THBS2: variants seen among roughly 807,000 people sequenced by gnomAD.
THBS2 encodes the protein thrombospondin-2.
In THBS2, 47 loss-of-function variants were observed where a neutral mutation model predicts 135.2. The ratio of observed to expected loss-of-function variants is 0.35; its 90% CI spans 0.28 to 0.44. The LOEUF (loss-of-function observed/expected upper bound fraction) is 0.44. THBS2 is among the 20% of genes least tolerant of loss of function. The probability of loss-of-function intolerance (pLI) is 1.00; values close to 1 mark genes in which losing one functional copy is unlikely to be tolerated. For missense variants in THBS2, 1,288 were observed against 1,603.1 expected, an observed-to-expected ratio of 0.80 and a Z score of 3.36; for synonymous variants, 639 against 633.8, an observed-to-expected ratio of 1.01 and a Z score of -0.12.
At position 169,222,241 on chromosome 6, in the gene THBS2, G is replaced by T; in HGVS notation, c.3229C>A (p.His1077Asn). 1 of 1,612,956 alleles carries T rather than the reference G, an allele frequency of 6.2e-7. No homozygotes were observed. The highest frequency in any genetic ancestry group is 2.2e-5 in the East Asian group (1 of 44,868). Residue 1077 changes from histidine (H) to asparagine (N), a missense_variant, in exon 19 of 22, where the codon CAC (histidine) becomes AAC (asparagine). Around this residue, in one of 2 missense-constraint regions of THBS2, gnomAD observed 874 missense variants for 1,156.1 expected, o/e 0.76. Transcript: ENST00000617924. ...VVNSTTGTGE[H>N]LRNALWHTGN... ...GTGTGCCACAGCGCGTTCCTCAGGT[G>T]CTCGCCCGTCCCCGTGGTGGAGTTC... is the stretch of plus-strand genomic sequence containing the variant.
intron 2 of THBS2, 66 bp from the exon 3 acceptor site, chr6:169,249,039 G>T: frequency 6.8e-7 from 1 of 1,479,854 alleles, no homozygotes; most frequent in Non-Finnish European, 9.1e-7. Context: ...CCTGACCCAG[G>T]GTGACAAACC....
chr6:169,242,599 CAT>C (rs1780354186), intron 4 of THBS2, among the ~76,000 whole-genome samples: 1 of 99,378 alleles, frequency 1.0e-5, no homozygotes, highest in South Asian at 3.9e-4. Flanking sequence ...CACCTTCCCA[CAT>C]TCCCACCTTC....
At chr6:169,227,833 G>A (rs187489761) in intron 15 of THBS2, among the ~76,000 whole-genome samples, 1 of 152,312 alleles carries the variant, frequency 6.6e-6, no homozygotes, top group Non-Finnish European at 1.5e-5. Flanking sequence ...TGTAATCCCA[G>A]CACTTTGGGA....
rs149476079 is a variant in THBS2, at chr6:169,216,139, C to G, written c.*1683G>C. Reference sequence around the variant, plus strand: ...TTGGTCTCGGGAATACAGCTCCACACGCAAAAAAGTAAAAAGTGCAGCAAA... The same window carrying G: ...TTGGTCTCGGGAATACAGCTCCACAGGCAAAAAAGTAAAAAGTGCAGCAAA... On this transcript the variant is annotated 3_prime_UTR_variant, in exon 22 of 22. Coordinates refer to ENST00000617924, the MANE Select transcript of THBS2 (RefSeq NM_003247.5). 6.6e-6 allele frequency: 1 copy of G among 150,558 alleles called. No homozygotes were observed. Among genetic ancestry groups the G allele is most frequent in the African/African-American group, 2.5e-5 (1 of 40,660 alleles). 9.3% of individuals were successfully genotyped at this position (150,558 alleles called of 1,614,324 possible). A position where few individuals can be genotyped will look rare whatever the true frequency, so the allele number is the denominator to read the frequency against.
rs1780776512 is a variant in THBS2 at position 169,252,123 on chromosome 6, C to T, written c.-22-1317G>A. The T allele has an allele frequency of 6.6e-6, 1 of 152,176 alleles. No homozygotes were observed. Among genetic ancestry groups the T allele is most frequent in the Non-Finnish European group, 1.5e-5 (1 of 68,044 alleles). The allele number at this position is 152,176 out of a possible 1,614,324, so 9.4% of individuals were successfully genotyped here. The stretch of plus-strand genomic sequence containing the variant: ...CAGGGGCTGACTTAGCCCAGCGAGC[C>T]ACAGGCATGGGTTACCGGAGCAGAA... On this transcript the variant is annotated intron_variant, in intron 1 of 21. Transcript: ENST00000617924. The surrounding 1 kb of genome is among the most constrained non-coding windows in gnomAD (Gnocchi z 4.3).
chr6:169,231,175 G>A (rs763511329), intron 13 of THBS2, among the ~76,000 whole-genome samples: 2 of 152,154 alleles, frequency 1.3e-5, no homozygotes, highest in Non-Finnish European at 2.9e-5. Context: ...CAAGGACATT[G>A]AACAGTGAGG....
chr6:169,242,584 A>C (rs1156621056), intron 4 of THBS2, among the ~76,000 whole-genome samples: 13 of 54,170 alleles, frequency 2.4e-4, no homozygotes, highest in African/African-American at 4.9e-4. Context: ...CTTCCCCCAA[A>C]TTCCCACCTT....
intron 14 of THBS2, 66 bp from the exon 15 acceptor site, chr6:169,228,347 CTTATAAG>C: frequency 6.4e-7 from 1 of 1,568,610 alleles, no homozygotes. Context: ...CCGTTTAGCA[CTTATAAG>C]TTATGTACTC....
intron 4 of THBS2, 98 bp from the exon 5 acceptor site, chr6:169,242,056 G>T (rs1398046851): frequency 1.5e-6 from 2 of 1,370,282 alleles, no homozygotes; most frequent in African/African-American, 1.4e-5. Context: ...GGCTCCCGGA[G>T]CGGCCTGGTG....
chr6:169,231,299 C>T (rs1011115177), intron 13 of THBS2, among the ~76,000 whole-genome samples: 1 of 152,192 alleles, frequency 6.6e-6, no homozygotes, highest in Non-Finnish European at 1.5e-5. Context: ...GTGAAGCCGA[C>T]CAGAGGTCAG....
chr6:169,245,751 C>G (rs1352806394), intron 4 of THBS2, among the ~76,000 whole-genome samples: 4 of 147,058 alleles, frequency 2.7e-5, no homozygotes, highest in Non-Finnish European at 1.5e-5. Flanking sequence ...CAGATCGCAC[C>G]ACTGCACTCC....
chr6:169,227,355 G>T (rs55697188), intron 15 of THBS2, among the ~76,000 whole-genome samples: 54 of 152,338 alleles, frequency 3.5e-4, no homozygotes, highest in African/African-American at 1.3e-3. Context: ...GCACTGGGTT[G>T]CAGAGCTCGC....
intron 14 of THBS2, 58 bp from the exon 15 acceptor site, chr6:169,228,339 G>T: frequency 1.3e-6 from 2 of 1,585,760 alleles, no homozygotes; most frequent in South Asian, 1.1e-5. Flanking sequence ...GTGTCGGGCC[G>T]TTTAGCACTT....
chr6:169,235,174 A>C (rs923936215), intron 9 of THBS2, among the ~76,000 whole-genome samples: 5 of 151,548 alleles, frequency 3.3e-5, no homozygotes, highest in African/African-American at 1.2e-4. Context: ...AAATCATACC[A>C]CCTCTTCTTT....
At chr6:169,236,178 C>G (rs1231173539) in intron 9 of THBS2, among the ~76,000 whole-genome samples, 1 of 124,770 alleles carries the variant, frequency 8.0e-6, no homozygotes, top group Non-Finnish European at 1.7e-5. Context: ...CATCCACACT[C>G]ATTCCCCATC....
chr6:169,225,415 T>G, intron 16 of THBS2, 36 bp from the exon 17 acceptor site: 2 of 1,542,972 alleles, frequency 1.3e-6, no homozygotes, highest in Non-Finnish European at 1.8e-6. Flanking sequence ...AGCAGAGGAC[T>G]GCCAGTTTGA....
At chr6:169,250,261 C>T (rs1364359945) in intron 2 of THBS2, among the ~76,000 whole-genome samples, 2 of 152,136 alleles carry the variant, frequency 1.3e-5, no homozygotes, top group Admixed American at 6.5e-5. Context: ...GATTTATCCA[C>T]GTCAATATTT....
At chr6:169,221,704 T>C (rs1008984300) in intron 19 of THBS2, among the ~76,000 whole-genome samples, 177 bp from the exon 20 acceptor site, 3 of 152,172 alleles carry the variant, frequency 2.0e-5, no homozygotes, top group Non-Finnish European at 4.4e-5. Flanking sequence ...TTGAAGCCCA[T>C]GGACAGAGTG....
chr6:169,220,422 C>T, intron 20 of THBS2, 85 bp from the exon 21 acceptor site: 1 of 1,514,542 alleles, frequency 6.6e-7, no homozygotes, highest in Non-Finnish European at 8.9e-7. Flanking sequence ...AAGGTTGGCT[C>T]CGGACACAAG....
Sources: allele counts gnomAD v4.1 joint callset (sites outside exome capture counted in the v4.1 genomes callset), GRCh38; gene constraint gnomAD v4.1.1; regional missense constraint gnomAD v4.1.1; non-coding constraint Gnocchi (gnomAD v3.1); transcripts MANE v1.5; gene names NCBI Gene and HGNC (gene_info 2026-07-23, HGNC 2026-07-21).